Variants in ZCCHC14 observed in about 807,000 individuals in gnomAD.
The protein encoded by ZCCHC14 is zinc finger CCHC domain-containing protein 14.
Under a neutral mutation model 85.0 loss-of-function variants are expected in ZCCHC14, and 16 were observed. The ratio of observed to expected loss-of-function variants is 0.19; its 90% CI spans 0.13 to 0.29. The LOEUF is 0.29. ZCCHC14 is among the 10% of genes least tolerant of loss of function. The pLI is 1.00. For synonymous variants in ZCCHC14, 775 were observed against 630.7 expected (o/e 1.23, Z -3.43); for missense variants, 1,303 against 1,443.5 (o/e 0.90, Z 1.58).
chr16:87,428,694 C>T (rs561225686), intron 3 of ZCCHC14, among the ~76,000 whole-genome samples: 1 of 152,342 alleles, frequency 6.6e-6, no homozygotes, highest in East Asian at 1.9e-4. Context: ...GTCCTCCAGC[C>T]CCTCCCCAGG....
chr16:87,457,427 T>C (rs1597435908), intron 2 of ZCCHC14, among the ~76,000 whole-genome samples: 2 of 152,292 alleles, frequency 1.3e-5, no homozygotes, highest in Admixed American at 6.5e-5. Flanking sequence ...CTCCCATCTG[T>C]AAAATGGGGT....
chr16:87,489,225 A>C (rs1193327797), intron 1 of ZCCHC14, among the ~76,000 whole-genome samples: 1 of 152,186 alleles, frequency 6.6e-6, no homozygotes, highest in Non-Finnish European at 1.5e-5. Context: ...ATGTAGGGAA[A>C]ACTAGAAACC....
intron 1 of ZCCHC14, among the ~76,000 whole-genome samples, chr16:87,465,595 C>G (rs1911482495): frequency 6.6e-6 from 1 of 152,188 alleles, no homozygotes; most frequent in East Asian, 1.9e-4. Context: ...CTTATGCAAT[C>G]ACCCTTCTTA....
At chr16:87,461,558 T>C (rs534648956) in intron 1 of ZCCHC14, among the ~76,000 whole-genome samples, 2 of 152,298 alleles carry the variant, frequency 1.3e-5, no homozygotes, top group South Asian at 4.1e-4. Flanking sequence ...ACTTGTTCTT[T>C]CATCTCATAC....
chr16:87,444,038 G>GAAAAAAAAAAAAA (rs56352252), intron 2 of ZCCHC14, among the ~76,000 whole-genome samples: 145 of 76,772 alleles, frequency 1.9e-3, no homozygotes, highest in Middle Eastern at 6.3e-3. Flanking sequence ...CTCTATCACA[G>GAAAAAAAAAAAAA]AAAAAAAAAA....
chr16:87,414,189 C>T (rs1417799059), intron 10 of ZCCHC14, among the ~76,000 whole-genome samples: 2 of 150,050 alleles, frequency 1.3e-5, no homozygotes, highest in African/African-American at 4.9e-5. Flanking sequence ...AACCCACCTG[C>T]CCGGCACACG....
chr16:87,417,555 G>T lies in ZCCHC14; in HGVS notation c.1288C>A (p.Pro430Thr). The change falls in exon 8 of 13, where the codon CCT (proline) becomes ACT (threonine). Residue 430 changes from proline (P) to threonine (T), a missense_variant. By Grantham distance (38) the Pro-to-Thr change is conservative (BLOSUM62 -1). Transcript: ENST00000671377. ...AILMPSSLQT[P>T]QTQEQNGILD... ...ATCCCATTCTGCTCCTGGGTCTGAGGGGTCTGCAGACTGGAAGGCATGAGG... is the reference window on the plus strand; with the variant it reads ...ATCCCATTCTGCTCCTGGGTCTGAGTGGTCTGCAGACTGGAAGGCATGAGG... 1 of 1,614,260 alleles carries T rather than the reference G, an allele frequency of 6.2e-7. No individual in the cohort carries two copies. The highest frequency in any genetic ancestry group is 1.7e-5 in the Admixed American group (1 of 60,036).
chr16:87,460,269 T>C (rs1483615192), intron 1 of ZCCHC14, 138 bp from the exon 2 acceptor site: 3 of 1,204,102 alleles, frequency 2.5e-6, no homozygotes, highest in African/African-American at 1.5e-5. Flanking sequence ...ATAATAAGCC[T>C]TCCCCAAGAA....
At chr16:87,449,515 C>T (rs11644573) in intron 2 of ZCCHC14, among the ~76,000 whole-genome samples, 44,037 of 151,896 alleles carry the variant, frequency 0.29, 8,572 homozygotes, top group Non-Finnish European at 0.44. Flanking sequence ...AATTCAGCAA[C>T]GCCACCAAGA....
At chr16:87,447,582 C>T (rs1489579361) in intron 2 of ZCCHC14, among the ~76,000 whole-genome samples, 2 of 152,012 alleles carry the variant, frequency 1.3e-5, no homozygotes, top group Admixed American at 6.6e-5. Flanking sequence ...ATAAATATAC[C>T]ACAGCTTGTT....
At chr16:87,482,152 G>T (rs923353729) in intron 1 of ZCCHC14, among the ~76,000 whole-genome samples, 2 of 152,184 alleles carry the variant, frequency 1.3e-5, no homozygotes, top group Non-Finnish European at 2.9e-5. Context: ...GGAAACATGG[G>T]AACCATGGCA....
intron 2 of ZCCHC14, among the ~76,000 whole-genome samples, chr16:87,453,902 A>G (rs1297484411): frequency 6.6e-6 from 1 of 152,246 alleles, no homozygotes; most frequent in East Asian, 1.9e-4. Context: ...TGACATTCAA[A>G]GATGTAAAAA....
At chr16:87,469,977 C>G (rs774023844) in intron 1 of ZCCHC14, among the ~76,000 whole-genome samples, 1 of 152,154 alleles carries the variant, frequency 6.6e-6, no homozygotes, top group African/African-American at 2.4e-5. Flanking sequence ...CAGTGGCTCA[C>G]GCCTGCAATC....
At chr16:87,419,711 C>G in intron 6 of ZCCHC14, 72 bp downstream of exon 6, 2 of 1,318,058 alleles carry the variant, frequency 1.5e-6, no homozygotes, top group Non-Finnish European at 2.0e-6. Flanking sequence ...GCTGGGATTA[C>G]AAGCATGAGC....
chr16:87,492,520 C>G lies in ZCCHC14; in HGVS notation c.-282G>C, dbSNP rs1912820020. The G allele has an allele frequency of 6.9e-6, 1 of 145,062 alleles. No homozygotes were observed. The highest frequency in any genetic ancestry group is 2.0e-4 in the South Asian group (1 of 4,956). The allele number at this position is 145,062 out of a possible 1,614,324, so 9.0% of individuals were successfully genotyped here. On this transcript the variant is annotated 5_prime_UTR_variant, in exon 1 of 13. Transcript: ENST00000671377. The surrounding 1 kb of genome is among the most constrained non-coding windows in gnomAD (Gnocchi z 6.7). ...GCCGGGGGCGGCGAGCGGCCTCGGG[C>G]CCCCCGCTCACGGGGAGGCGCCTTC...
At chr16:87,456,856 C>G (rs1369288442) in intron 2 of ZCCHC14, among the ~76,000 whole-genome samples, 1 of 152,144 alleles carries the variant, frequency 6.6e-6, no homozygotes, top group Non-Finnish European at 1.5e-5. Flanking sequence ...AGATTGAAAA[C>G]TACTGGTATA....
At chr16:87,410,670 C>T (rs1908389401) in intron 12 of ZCCHC14, among the ~76,000 whole-genome samples, 1 of 152,196 alleles carries the variant, frequency 6.6e-6, no homozygotes, top group African/African-American at 2.4e-5. Flanking sequence ...CTGGTGAGTG[C>T]CCCGTGCCTC....
rs1465999713 is a variant in ZCCHC14, at chr16:87,492,484, C to G, written c.-246G>C. On this transcript the variant is annotated 5_prime_UTR_variant, in exon 1 of 13. Transcript: ENST00000671377. The surrounding 1 kb of genome is among the most constrained non-coding windows in gnomAD (Gnocchi z 6.7). The stretch of plus-strand genomic sequence containing the variant: ...CGCGGGGCGCCGGGGGGGCCCGGGG[C>G]GGCCGGGGCGGCCGGGGGCGGCGAG... 1 of 144,436 alleles carries G rather than the reference C, an allele frequency of 6.9e-6. No individual in the cohort carries two copies. Among genetic ancestry groups the G allele is most frequent in the Non-Finnish European group, 1.5e-5 (1 of 65,248 alleles). The allele number at this position is 144,436 out of a possible 1,614,324, so 8.9% of individuals were successfully genotyped here. A position where few individuals can be genotyped will look rare whatever the true frequency, so the allele number is the denominator to read the frequency against.
chr16:87,410,031 G>A lies in ZCCHC14; in HGVS notation c.*249C>T, dbSNP rs944069201. 5.5e-6 allele frequency: 2 copies of A among 365,678 alleles called. No homozygotes were observed. Among genetic ancestry groups the A allele is most frequent in the African/African-American group, 2.1e-5 (1 of 47,182 alleles). 22.7% of individuals were successfully genotyped at this position (365,678 alleles called of 1,614,324 possible). On this transcript the variant is annotated 3_prime_UTR_variant, in exon 13 of 13. Coordinates refer to ENST00000671377, the MANE Select transcript of ZCCHC14 (RefSeq NM_015144.3). Reference sequence around the variant, plus strand: ...CGTCTCTGCACTGCAACCAAAAGTGGAGGTGGCCGATCTCACCAGCCACAG... The same window carrying A: ...CGTCTCTGCACTGCAACCAAAAGTGAAGGTGGCCGATCTCACCAGCCACAG...
Sources: gnomAD v4.1 joint callset for allele counts (sites outside exome capture counted in the v4.1 genomes callset) on GRCh38, gnomAD v4.1.1 for gene constraint, Gnocchi (gnomAD v3.1) non-coding constraint, MANE v1.5 for transcripts, NCBI Gene and HGNC (gene_info 2026-07-23, HGNC 2026-07-21) for gene names.